Variants in RADX observed in about 807,000 individuals in gnomAD.
The protein encoded by RADX is RPA1 related single stranded DNA binding protein, X-linked.
Under a neutral mutation model 61.6 loss-of-function variants are expected in RADX, and 36 were observed. The ratio of observed to expected loss-of-function variants is 0.58; its 90% CI spans 0.45 to 0.77. The LOEUF (loss-of-function observed/expected upper bound fraction) is 0.77. RADX is among the 30% of genes least tolerant of loss of function. The pLI, the probability that RADX is intolerant of heterozygous loss-of-function variation, is 0.00. For missense variants in RADX, 497 were observed against 651.1 expected (o/e 0.76, Z 2.58); for synonymous variants, 272 against 237.9 (o/e 1.14, Z -1.32).
In RADX at chrX:106,633,176, C is replaced by T. The variant is rs181344287; in HGVS notation, c.1227C>T (p.Asp409=). ...CATATCGCTGGATTCACATTGCTGA[C>T]GGTACTTCAGAACAACCATTTATAG... ...FWSYRWIHIA[D]GTSEQPFIVE... Residue 409 remains aspartate (D), a synonymous_variant, in exon 6 of 14, where the codon GAC becomes GAT. Transcript: ENST00000372548. 58 of 1,199,458 alleles carry T rather than the reference C, an allele frequency of 4.8e-5. No individual in the cohort carries two copies. Among genetic ancestry groups the T allele is most frequent in the East Asian group, 1.2e-4 (4 of 33,703 alleles).
chrX:106,637,415 G>A (rs766537122), intron 7 of RADX, among the ~76,000 whole-genome samples: 17 of 112,073 alleles, frequency 1.5e-4, no homozygotes, highest in Non-Finnish European at 2.8e-4. Flanking sequence ...AGGTTAATTC[G>A]TAGTTTAAAA....
chrX:106,659,447 A>G (rs2147636667), intron 11 of RADX, among the ~76,000 whole-genome samples: 1 of 112,530 alleles, frequency 8.9e-6, no homozygotes, highest in African/African-American at 3.2e-5. Flanking sequence ...TAAGAGTAAA[A>G]TAGATAATTG....
chrX:106,639,795 A>T (rs1445169124), intron 9 of RADX, 108 bp downstream of exon 9: 4 of 618,501 alleles, frequency 6.5e-6, no homozygotes, highest in Non-Finnish European at 6.9e-6. Flanking sequence ...ACTCTTAATA[A>T]TGTAAGCCTA....
chrX:106,661,371 TGTTTTTTTTTTTTG>T (rs1250625936), intron 11 of RADX, among the ~76,000 whole-genome samples: 1 of 98,600 alleles, frequency 1.0e-5, no homozygotes, highest in African/African-American at 4.8e-5. Context: ...TTTTTTTTCT[TGTTTTTTTTTTTTG>T]GTTTTTTTGT....
intron 1 of RADX, among the ~76,000 whole-genome samples, chrX:106,619,063 T>C (rs1926879523): frequency 9.0e-6 from 1 of 110,872 alleles, no homozygotes. Context: ...GGGATTAAAA[T>C]TTTCTTTTTC....
chrX:106,619,710 A>G (rs1484391007), intron 1 of RADX, among the ~76,000 whole-genome samples: 2 of 111,526 alleles, frequency 1.8e-5, no homozygotes, highest in Non-Finnish European at 3.8e-5. Context: ...ATCTTTTCAA[A>G]TTTATTGATA....
chrX:106,622,841 A>G (rs1412246493), intron 2 of RADX, 48 bp downstream of exon 2: 42 of 745,290 alleles, frequency 5.6e-5, no homozygotes, highest in Non-Finnish European at 7.7e-5. Flanking sequence ...TATAAATTAT[A>G]GCTTACACAC....
chrX:106,666,806 C>T (rs1928238956), intron 12 of RADX, among the ~76,000 whole-genome samples: 2 of 112,028 alleles, frequency 1.8e-5, no homozygotes, highest in Admixed American at 1.9e-4. Context: ...TAACAGCTCT[C>T]CTTACATCAT....
At chrX:106,621,153 C>T (rs960842985) in intron 1 of RADX, among the ~76,000 whole-genome samples, 5 of 111,828 alleles carry the variant, frequency 4.5e-5, no homozygotes, top group African/African-American at 1.3e-4. Context: ...ATTCGTCTGA[C>T]GTTAAAATGA....
chrX:106,667,048 A>G (rs945265133), intron 12 of RADX, among the ~76,000 whole-genome samples: 1 of 112,371 alleles, frequency 8.9e-6, no homozygotes, highest in Non-Finnish European at 1.9e-5. Context: ...TAGTGAACAC[A>G]ACAGATAAAA....
Position 106,612,558 on chromosome X carries a change from G to T in RADX, c.478G>T (p.Asp160Tyr). ...IDNVHCGETSDSISLETPFRN... is the reference protein window; with the variant it reads ...IDNVHCGETSYSISLETPFRN... ...TAACGTCCACTGTGGGGAGACTTCA[G>T]ACAGTATTTCTTTAGAAACTCCCTT... Residue 160 changes from aspartate (D) to tyrosine (Y), a missense_variant, in exon 1 of 14, where the codon GAC becomes TAC. Around this residue, in one of 3 missense-constraint regions of RADX, gnomAD observed 196 missense variants for 315.0 expected, o/e 0.62. Transcript: ENST00000372548. 8.3e-7 allele frequency: 1 copy of T among 1,211,720 alleles called. No homozygotes were observed. The highest frequency in any genetic ancestry group is 1.1e-6 in the Non-Finnish European group (1 of 895,441).
Position 106,653,504 on chromosome X carries a change from G to GTTTTATTTTATTTTA in RADX, c.1978+5151_1978+5165dup, listed in dbSNP as rs60789629. 1.3e-4 allele frequency among the ~76,000 whole-genome samples: 13 copies of GTTTTATTTTATTTTA among 102,431 alleles called. No homozygotes were observed. The East Asian group carries it at 2.9e-3, about 23-fold the overall frequency. The allele number at this position is 102,431 out of a possible 115,157, so 88.9% of individuals were successfully genotyped here. ...CAATAGCAGGGCTTAATGGGATTAT[G>GTTTTATTTTATTTTA]TTTTATTTTATTTTATTTTATTTTA... On this transcript the variant is annotated intron_variant, in intron 11 of 13. Transcript: ENST00000372548.
rs7057695 is a variant in RADX at position 106,623,044 on chromosome X, C to T, written c.786+251C>T. Among the ~76,000 whole-genome samples, 747 of 110,749 alleles carry T rather than the reference C, an allele frequency of 6.7e-3. 4 individuals carry two copies. Among genetic ancestry groups the T allele is most frequent in the African/African-American group, 0.023 (711 of 30,569 alleles). On this transcript the variant is annotated intron_variant, in intron 2 of 13. Transcript: ENST00000372548. The stretch of plus-strand genomic sequence containing the variant: ...GGTCTCCTTCCCACCTTTTTATTTT[C>T]CTTCAACCTTTTCTTCTCACCTATG...
chrX:106,678,205 A>G lies in RADX; in HGVS notation c.2515A>G (p.Asn839Asp), dbSNP rs1431986748. The G allele has an allele frequency of 2.6e-6, 3 of 1,163,029 alleles. No homozygotes were observed. The highest frequency in any genetic ancestry group is 4.4e-5 in the Admixed American group (2 of 45,631). Residue 839 changes from asparagine to aspartate, a missense_variant, in exon 14 of 14, where the codon AAT (asparagine) becomes GAT (aspartate). Physicochemically the swap from Asn to Asp is conservative, Grantham distance 23. Around this residue, in one of 3 missense-constraint regions of RADX, gnomAD observed 267 missense variants for 306.9 expected, o/e 0.87. Coordinates refer to ENST00000372548, the MANE Select transcript of RADX (RefSeq NM_018015.6). ...GILDICNLGN[N>D]KVEVYLHKIY... ...CTTGGATATCTGTAATTTGGGTAAT[A>G]ATAAAGTGGAAGTCTATTTGCACAA...
intron 1 of RADX, among the ~76,000 whole-genome samples, chrX:106,614,096 C>G (rs963769314): frequency 2.9e-4 from 32 of 111,307 alleles, no homozygotes; most frequent in Admixed American, 3.8e-4. Flanking sequence ...GTGATAAAAT[C>G]TAGGAAGTGG....
chrX:106,671,947 T>C (rs186113275), intron 13 of RADX, among the ~76,000 whole-genome samples: 4 of 111,677 alleles, frequency 3.6e-5, no homozygotes, highest in Admixed American at 9.5e-5. Context: ...CAATGGGATG[T>C]TTGTTTTGGT....
At chrX:106,639,826 G>A in intron 9 of RADX, 139 bp downstream of exon 9, 1 of 442,675 alleles carries the variant, frequency 2.3e-6, no homozygotes, top group Non-Finnish European at 3.4e-6. Flanking sequence ...TTAGGTTGGT[G>A]CAAAAGGCAT....
intron 13 of RADX, among the ~76,000 whole-genome samples, chrX:106,673,790 A>C (rs1928431622): frequency 9.4e-6 from 1 of 106,919 alleles, no homozygotes; most frequent in African/African-American, 3.5e-5. Flanking sequence ...TTTCCAGTTT[A>C]TTTAGGACCT....
At chrX:106,668,965 A>T (rs755899558) in intron 12 of RADX, among the ~76,000 whole-genome samples, 198 bp from the exon 13 acceptor site, 1 of 112,156 alleles carries the variant, frequency 8.9e-6, no homozygotes, top group Non-Finnish European at 1.9e-5. Flanking sequence ...GAAAGGTTGC[A>T]CTGGAGTGTC....
Sources: gnomAD v4.1 joint callset for allele counts (sites outside exome capture counted in the v4.1 genomes callset) on GRCh38, gnomAD v4.1.1 for gene constraint, gnomAD v4.1.1 regional missense constraint, MANE v1.5 for transcripts, NCBI Gene and HGNC (gene_info 2026-07-23, HGNC 2026-07-21) for gene names.